Variants in FARS2 observed in about 807,000 individuals in gnomAD.
The protein encoded by FARS2 is phenylalanyl-tRNA synthetase 2, mitochondrial.
FARS2 carries 40 observed loss-of-function variants against 46.4 expected under a neutral mutation model. The ratio of observed to expected loss-of-function variants is 0.86; its 90% CI spans 0.67 to 1.12. FARS2 has a LOEUF of 1.12. Ranked by LOEUF, FARS2 falls within the 50% of genes most tolerant of loss-of-function variation. The pLI is 0.00. For synonymous variants in FARS2, 234 were observed against 214.9 expected (o/e 1.09, Z -0.78); for missense variants, 513 against 567.9 (o/e 0.90, Z 0.98).
intron 6 of FARS2, among the ~76,000 whole-genome samples, chr6:5,671,458 T>C (rs1397319758): frequency 6.6e-6 from 1 of 152,220 alleles, no homozygotes; most frequent in African/African-American, 2.4e-5. Context: ...CCTCTGTTTC[T>C]GCCGGAACTT....
rs1348071691 is a variant in FARS2 at position 5,343,734 on chromosome 6, A to G, written c.-21-24816A>G. Among the ~76,000 whole-genome samples, 2 of 152,130 alleles carry G rather than the reference A, an allele frequency of 1.3e-5. No homozygotes were observed. Among genetic ancestry groups the G allele is most frequent in the Non-Finnish European group, 2.9e-5 (2 of 68,020 alleles). On this transcript the variant is annotated intron_variant, in intron 1 of 6. Transcript: ENST00000274680. The surrounding 1 kb of genome is among the most constrained non-coding windows in gnomAD (Gnocchi z 4.5). Reference sequence around the variant, plus strand: ...GGTATGACATGGGTTCTGTCTAGGGATTCTCCTGTGGGAGGGAGAGGACCT... The same window carrying G: ...GGTATGACATGGGTTCTGTCTAGGGGTTCTCCTGTGGGAGGGAGAGGACCT...
At chr6:5,314,337 G>A (rs948421883) in intron 1 of FARS2, among the ~76,000 whole-genome samples, 2 of 152,122 alleles carry the variant, frequency 1.3e-5, no homozygotes, top group Non-Finnish European at 2.9e-5. Flanking sequence ...TGATGGATGG[G>A]ACAGGTGTGT....
chr6:5,644,284 C>G (rs1456295065), intron 6 of FARS2, among the ~76,000 whole-genome samples: 1 of 152,112 alleles, frequency 6.6e-6, no homozygotes, highest in Non-Finnish European at 1.5e-5. Flanking sequence ...GCAGTCACAG[C>G]TCACTGCAGC....
At chr6:5,648,792 T>C (rs1777202913) in intron 6 of FARS2, among the ~76,000 whole-genome samples, 1 of 152,150 alleles carries the variant, frequency 6.6e-6, no homozygotes, top group African/African-American at 2.4e-5. Context: ...ATAAAAATAT[T>C]ACGTATTAGC....
chr6:5,397,383 A>G (rs1213586539), intron 2 of FARS2, among the ~76,000 whole-genome samples: 2 of 152,200 alleles, frequency 1.3e-5, no homozygotes, highest in African/African-American at 4.8e-5. Context: ...TATGTTCGAC[A>G]TTTGTTTAAA....
chr6:5,256,689 C>T (rs1764695438), upstream of FARS2, among the ~76,000 whole-genome samples: 1 of 151,970 alleles, frequency 6.6e-6, no homozygotes, highest in Non-Finnish European at 1.5e-5. Flanking sequence ...CAGTGCTCAT[C>T]ACTCCTCTGA....
chr6:5,374,229 GT>G (rs1759238040), intron 2 of FARS2, among the ~76,000 whole-genome samples: 1 of 151,994 alleles, frequency 6.6e-6, no homozygotes, highest in Non-Finnish European at 1.5e-5. Flanking sequence ...TCGTGCATAC[GT>G]TTGAAAATTT....
chr6:5,444,157 G>A (rs186405077), intron 4 of FARS2, among the ~76,000 whole-genome samples: 41 of 150,960 alleles, frequency 2.7e-4, no homozygotes, highest in Non-Finnish European at 5.5e-4. Flanking sequence ...GCATATGTTC[G>A]CAATATAATC....
intron 4 of FARS2, among the ~76,000 whole-genome samples, chr6:5,497,234 G>A (rs1767526432): frequency 6.6e-6 from 1 of 152,246 alleles, no homozygotes; most frequent in South Asian, 2.1e-4. Flanking sequence ...ATATAAAAAT[G>A]ATCCTGTTTG....
At chr6:5,761,808 TAAAAAAAAAA>T (rs79057006) in intron 6 of FARS2, among the ~76,000 whole-genome samples, 1 of 105,932 alleles carries the variant, frequency 9.4e-6, no homozygotes, top group South Asian at 3.0e-4. Flanking sequence ...GTGGAGGATC[TAAAAAAAAAA>T]AAAAAAAAAA....
At chr6:5,649,253 A>G (rs570111231) in intron 6 of FARS2, among the ~76,000 whole-genome samples, 3 of 152,328 alleles carry the variant, frequency 2.0e-5, no homozygotes, top group South Asian at 2.1e-4. Context: ...ATTTTAAGGA[A>G]CATTTCTTTG....
chr6:5,657,370 C>T (rs1268376790), intron 6 of FARS2, among the ~76,000 whole-genome samples: 1 of 152,226 alleles, frequency 6.6e-6, no homozygotes, highest in Non-Finnish European at 1.5e-5. Flanking sequence ...GAAGGCATCT[C>T]TTCCACTGTG....
At chr6:5,719,238 C>T (rs1427360197) in intron 6 of FARS2, among the ~76,000 whole-genome samples, 1 of 151,848 alleles carries the variant, frequency 6.6e-6, no homozygotes, top group Non-Finnish European at 1.5e-5. Context: ...TAAAAATTAG[C>T]TGGGTCTGGA....
chr6:5,696,387 C>A (rs530158608), intron 6 of FARS2, among the ~76,000 whole-genome samples: 4 of 152,098 alleles, frequency 2.6e-5, no homozygotes, highest in Non-Finnish European at 5.9e-5. Flanking sequence ...TAAGTATCAC[C>A]CAGCTAAGAT....
At chr6:5,458,719 T>C (rs372723409) in intron 4 of FARS2, among the ~76,000 whole-genome samples, 2 of 152,180 alleles carry the variant, frequency 1.3e-5, no homozygotes, top group East Asian at 3.9e-4. Context: ...TTCCTAAGAA[T>C]GGCAGGGAGT....
chr6:5,747,812 A>G (rs1308693175), intron 6 of FARS2, among the ~76,000 whole-genome samples: 1 of 152,164 alleles, frequency 6.6e-6, no homozygotes, highest in Non-Finnish European at 1.5e-5. Flanking sequence ...ATCTTTTCCT[A>G]TTGATTGCTG....
chr6:5,540,834 A>C (rs1770583755), intron 4 of FARS2, among the ~76,000 whole-genome samples: 1 of 152,178 alleles, frequency 6.6e-6, no homozygotes, highest in Non-Finnish European at 1.5e-5. Context: ...ACTTCAATGA[A>C]GTTTTAGAGG....
At chr6:5,574,560 A>G (rs543721884) in intron 5 of FARS2, among the ~76,000 whole-genome samples, 2 of 152,320 alleles carry the variant, frequency 1.3e-5, no homozygotes, top group East Asian at 3.9e-4. Flanking sequence ...CAATGAAAAA[A>G]ATACCCTTTA....
Position 5,630,294 on chromosome 6 carries a change from G to A in FARS2, c.1217+16974G>A, listed in dbSNP as rs1329995605. Among the ~76,000 whole-genome samples, 1 of 152,196 alleles carries A rather than the reference G, an allele frequency of 6.6e-6. No homozygotes were observed. The highest frequency in any genetic ancestry group is 2.4e-5 in the African/African-American group (1 of 41,446). ...CCATTGGAAGGTACAGTCTCTTGCA[G>A]GAGTGAGACTGTAGTGTCATCAGAA... On this transcript the variant is annotated intron_variant, in intron 6 of 6. Coordinates refer to ENST00000274680, the MANE Select transcript of FARS2 (RefSeq NM_006567.5). The surrounding 1 kb of genome is among the most constrained non-coding windows in gnomAD (Gnocchi z 4.2).
Sources: allele counts gnomAD v4.1 joint callset (sites outside exome capture counted in the v4.1 genomes callset), GRCh38; gene constraint gnomAD v4.1.1; non-coding constraint Gnocchi (gnomAD v3.1); transcripts MANE v1.5; gene names NCBI Gene and HGNC (gene_info 2026-07-23, HGNC 2026-07-21).